Variants in ELF1 observed in about 807,000 individuals in gnomAD.
ELF1 encodes ETS-related transcription factor Elf-1.
ELF1 carries 24 observed loss-of-function variants against 59.9 expected under a neutral mutation model. The ratio of observed to expected loss-of-function variants is 0.40; its 90% CI spans 0.29 to 0.56. The LOEUF is 0.56. Among genes scored for constraint, ELF1 ranks in the 20% least tolerant of loss-of-function variants. ELF1 has a pLI of 0.44. For synonymous variants in ELF1, 248 were observed against 266.2 expected, an observed-to-expected ratio of 0.93 and a Z score of 0.67; for missense variants, 627 against 742.2, an observed-to-expected ratio of 0.84 and a Z score of 1.80.
chr13:41,028,283 C>T (rs2098503196), intron 1 of ELF1, among the ~76,000 whole-genome samples: 1 of 152,176 alleles, frequency 6.6e-6, no homozygotes, highest in Admixed American at 6.5e-5. Flanking sequence ...TACTAACTCA[C>T]AGTGCAGATA....
intron 4 of ELF1, 33 bp downstream of exon 4, chr13:40,951,296 A>C: frequency 6.6e-7 from 1 of 1,509,128 alleles, no homozygotes; most frequent in Non-Finnish European, 9.1e-7. Context: ...AACTTAACAA[A>C]GTACATAAAC....
chr13:40,975,707 G>A (rs1169696908), intron 2 of ELF1, among the ~76,000 whole-genome samples: 5 of 152,200 alleles, frequency 3.3e-5, no homozygotes, highest in Non-Finnish European at 5.9e-5. Context: ...GGTCAAGACA[G>A]CTGTGGGCAA....
chr13:41,014,341 T>C (rs1875238612), intron 1 of ELF1, among the ~76,000 whole-genome samples: 1 of 152,176 alleles, frequency 6.6e-6, no homozygotes, highest in Admixed American at 6.5e-5. Context: ...ATGAGGATGA[T>C]GTTAATACCT....
At chr13:40,994,546 G>T (rs1387001495) in intron 1 of ELF1, among the ~76,000 whole-genome samples, 1 of 152,120 alleles carries the variant, frequency 6.6e-6, no homozygotes, top group Non-Finnish European at 1.5e-5. Flanking sequence ...TGGAGGCCGA[G>T]GCACGAGAAT....
chr13:41,044,069 G>A (rs1593410381), intron 1 of ELF1, among the ~76,000 whole-genome samples: 1 of 152,162 alleles, frequency 6.6e-6, no homozygotes, highest in African/African-American at 2.4e-5. Flanking sequence ...TTGTGAATGG[G>A]AGTTCACTCA....
chr13:41,011,104 A>G (rs1452582015), intron 1 of ELF1, among the ~76,000 whole-genome samples: 1 of 152,260 alleles, frequency 6.6e-6, no homozygotes, highest in African/African-American at 2.4e-5. Context: ...CTGATCAGGA[A>G]GCAAGATGAA....
At chr13:41,002,525 CAGCT>C (rs776338764) in intron 1 of ELF1, among the ~76,000 whole-genome samples, 2 of 147,588 alleles carry the variant, frequency 1.4e-5, no homozygotes, top group East Asian at 4.0e-4. Context: ...CTGGTGGTCC[CAGCT>C]ACTTCGGAGG....
At chr13:41,058,219 A>C (rs567876625) in intron 1 of ELF1, among the ~76,000 whole-genome samples, 3 of 152,348 alleles carry the variant, frequency 2.0e-5, no homozygotes, top group South Asian at 4.1e-4. Flanking sequence ...GTCAAAATTT[A>C]TCAAGTTAAA....
Position 40,934,026 on chromosome 13 carries a change from G to A in ELF1, c.1259C>T (p.Thr420Ile), listed in dbSNP as rs1467314988. The change falls in exon 9 of 9, where the codon ACT becomes ATT. Residue 420 changes from threonine to isoleucine, a missense_variant and splice_region_variant. Transcript: ENST00000239882. ...TLNSSVQSIR[T>I]IQAPTQVPVV... is the part of the protein sequence containing the mutation. ...TGGAACTTGGGTTGGAGCCTGTATAGTCCTATTGAGATGATGAAATTAAAG... is the reference window on the plus strand; with the variant it reads ...TGGAACTTGGGTTGGAGCCTGTATAATCCTATTGAGATGATGAAATTAAAG... 1.2e-6 allele frequency: 2 copies of A among 1,602,652 alleles called. No individual in the cohort carries two copies. Among genetic ancestry groups the A allele is most frequent in the Non-Finnish European group, 1.7e-6 (2 of 1,172,650 alleles).
chr13:41,047,590 A>T (rs929267928), intron 1 of ELF1, among the ~76,000 whole-genome samples: 2 of 152,362 alleles, frequency 1.3e-5, no homozygotes, highest in Non-Finnish European at 2.9e-5. Flanking sequence ...GCTGCAGAAC[A>T]GAGAATATTG....
chr13:40,982,403 C>T (rs546773738), intron 1 of ELF1, 121 bp from the exon 2 acceptor site: 21 of 563,982 alleles, frequency 3.7e-5, no homozygotes, highest in African/African-American at 2.4e-4. Context: ...TAAATAAAAT[C>T]GACACGACTA....
chr13:40,955,517 C>T (rs1229053514), intron 3 of ELF1, among the ~76,000 whole-genome samples: 24 of 95,648 alleles, frequency 2.5e-4, no homozygotes, highest in African/African-American at 8.7e-4. Context: ...AGTCCCTCTG[C>T]CCGGCCAGCC....
In ELF1 at chr13:41,060,817, T is replaced by C. The variant is rs115373616; in HGVS notation, c.-229+21A>G. ...CCGCTAGACCATATGGGAAGTGCTATGAGAAACTGCCGTGACCCACCTGAC... is the reference window on the plus strand; with the variant it reads ...CCGCTAGACCATATGGGAAGTGCTACGAGAAACTGCCGTGACCCACCTGAC... On this transcript the variant is annotated intron_variant, in intron 1 of 1. Transcript: ENST00000405737. The C allele has an allele frequency of 1.3e-3, 304 of 228,742 alleles. 1 individual carries two copies. The highest frequency in any genetic ancestry group is 6.4e-3 in the African/African-American group (278 of 43,214). 14.2% of individuals were successfully genotyped at this position (228,742 alleles called of 1,614,324 possible). A position where few individuals can be genotyped will look rare whatever the true frequency, so the allele number is the denominator to read the frequency against.
At chr13:41,042,953 C>A (rs1282984277) in intron 1 of ELF1, among the ~76,000 whole-genome samples, 1 of 152,136 alleles carries the variant, frequency 6.6e-6, no homozygotes, top group Admixed American at 6.5e-5. Flanking sequence ...TTCTCCACAT[C>A]CTCTCCAGCC....
intron 8 of ELF1, among the ~76,000 whole-genome samples, chr13:40,940,044 T>C (rs1870031860): frequency 6.6e-6 from 1 of 152,158 alleles, no homozygotes; most frequent in Non-Finnish European, 1.5e-5. Flanking sequence ...TAATGTTACC[T>C]TACTCCAAGA....
intron 1 of ELF1, among the ~76,000 whole-genome samples, chr13:40,984,809 T>C (rs528794589): frequency 6.6e-6 from 1 of 152,340 alleles, no homozygotes; most frequent in Admixed American, 6.5e-5. Flanking sequence ...ATTGTGCCAA[T>C]GGCCAGTGTG....
At chr13:40,977,939 T>G (rs1346186719) in intron 2 of ELF1, among the ~76,000 whole-genome samples, 2 of 152,170 alleles carry the variant, frequency 1.3e-5, no homozygotes, top group Non-Finnish European at 2.9e-5. Flanking sequence ...AGTTTAAGTG[T>G]GAAAAACATA....
chr13:41,054,189 G>C (rs1394290987), intron 1 of ELF1, among the ~76,000 whole-genome samples: 1 of 152,140 alleles, frequency 6.6e-6, no homozygotes, highest in Non-Finnish European at 1.5e-5. Context: ...AACCACTCTT[G>C]AATCATTGCA....
intron 1 of ELF1, among the ~76,000 whole-genome samples, chr13:41,058,031 T>A (rs1877351617): frequency 6.6e-6 from 1 of 152,354 alleles, no homozygotes; most frequent in South Asian, 2.1e-4. Context: ...AATATTCAAC[T>A]CCTAAACATA....
Sources: allele counts gnomAD v4.1 joint callset (sites outside exome capture counted in the v4.1 genomes callset), GRCh38; gene constraint gnomAD v4.1.1; transcripts MANE v1.5; gene names NCBI Gene and HGNC (gene_info 2026-07-23, HGNC 2026-07-21).